The following RSPO2 variants were observed in gnomAD, a reference collection of about 807,000 sequenced individuals.
RSPO2 encodes R-spondin-2.
In RSPO2, 14 loss-of-function variants were observed where a neutral mutation model predicts 30.9. The ratio of observed to expected loss-of-function variants is 0.45; its 90% CI spans 0.30 to 0.71. The LOEUF (loss-of-function observed/expected upper bound fraction) is 0.71. Ranked by LOEUF, RSPO2 falls within the 30% of genes least tolerant of loss-of-function variation. The pLI, the probability that RSPO2 is intolerant of heterozygous loss-of-function variation, is 0.08. For missense variants in RSPO2, 264 were observed against 301.9 expected (o/e 0.87, Z 0.93); for synonymous variants, 107 against 96.4 (o/e 1.11, Z -0.64).
rs5893892 is a variant in RSPO2, at chr8:107,950,492, G to GTT, written c.616+7586_616+7587dup. Among the ~76,000 whole-genome samples, 637 of 147,420 alleles carry GTT rather than the reference G, an allele frequency of 4.3e-3. 2 individuals are homozygous for GTT. Among genetic ancestry groups the GTT allele is most frequent in the South Asian group, 0.019 (88 of 4,734 alleles). ...GTTTTAATAGGTTACATTTTGGGGT[G>GTT]TTTTTTTTTTACCATGTTATCTTAT... On this transcript the variant is annotated intron_variant, in intron 5 of 5. Transcript: ENST00000276659.
intron 2 of RSPO2, among the ~76,000 whole-genome samples, chr8:108,016,345 G>A (rs182567243): frequency 6.6e-6 from 1 of 152,268 alleles, no homozygotes; most frequent in Admixed American, 6.5e-5. Flanking sequence ...CCAAGATTAT[G>A]CTGATGGGAA....
At chr8:108,070,586 A>G (rs1812816144) in intron 2 of RSPO2, among the ~76,000 whole-genome samples, 1 of 152,134 alleles carries the variant, frequency 6.6e-6, no homozygotes, top group Non-Finnish European at 1.5e-5. Flanking sequence ...AGTTTTGTTT[A>G]GTGTCCTCTC....
At chr8:108,030,724 G>A (rs1811393948) in intron 2 of RSPO2, among the ~76,000 whole-genome samples, 1 of 152,156 alleles carries the variant, frequency 6.6e-6, no homozygotes, top group African/African-American at 2.4e-5. Flanking sequence ...GGTGGAGGGA[G>A]GGACTCCTAA....
At position 107,901,141 on chromosome 8, in the gene RSPO2, C is replaced by G; in HGVS notation, c.666G>C (p.Arg222Ser). The G allele has an allele frequency of 1.2e-6, 2 of 1,614,080 alleles. No homozygotes were observed. Among genetic ancestry groups the G allele is most frequent in the Admixed American group, 1.7e-5 (1 of 60,014 alleles). ...AKEKRNKKKK[R>S]KLIERAQEQH... is the part of the protein sequence containing the mutation. Reference sequence around the variant, plus strand: ...GCTCCTGGGCCCTTTCTATCAGCTTCCTTTTCTTTTTCTTGTTCCTCTTCT... The same window carrying G: ...GCTCCTGGGCCCTTTCTATCAGCTTGCTTTTCTTTTTCTTGTTCCTCTTCT... Residue 222 changes from arginine (R) to serine (S), a missense_variant, in exon 6 of 6, where the codon AGG (arginine) becomes AGC (serine). By Grantham distance (110) the Arg-to-Ser change is moderately radical (BLOSUM62 -1). Transcript: ENST00000276659.
At chr8:108,079,010 T>G (rs1813103508) in intron 2 of RSPO2, among the ~76,000 whole-genome samples, 1 of 152,206 alleles carries the variant, frequency 6.6e-6, no homozygotes, top group Non-Finnish European at 1.5e-5. Context: ...TAATCCAGTC[T>G]GAAATGTGGC....
chr8:107,923,961 G>A (rs1286629154), intron 5 of RSPO2, among the ~76,000 whole-genome samples: 2 of 152,016 alleles, frequency 1.3e-5, no homozygotes, highest in African/African-American at 4.8e-5. Flanking sequence ...TAGAAAGAGG[G>A]AGAGAGTCAG....
chr8:108,037,463 T>A (rs1419334707), intron 2 of RSPO2, among the ~76,000 whole-genome samples: 1 of 152,184 alleles, frequency 6.6e-6, no homozygotes, highest in Admixed American at 6.5e-5. Flanking sequence ...AGAAGTCATC[T>A]CCATAACATG....
At chr8:108,077,116 G>A (rs751379731) in intron 2 of RSPO2, among the ~76,000 whole-genome samples, 45 of 152,060 alleles carry the variant, frequency 3.0e-4, no homozygotes, top group Non-Finnish European at 5.1e-4. Flanking sequence ...ACCTAAAAGC[G>A]CTCTAAAAAA....
chr8:108,078,125 A>G (rs1297239508), intron 2 of RSPO2, among the ~76,000 whole-genome samples: 1 of 152,160 alleles, frequency 6.6e-6, no homozygotes, highest in Admixed American at 6.6e-5. Flanking sequence ...TGAATATTGG[A>G]TTCTAGCCAA....
chr8:107,948,964 CTTT>C (rs34697845), intron 5 of RSPO2, among the ~76,000 whole-genome samples: 13 of 139,024 alleles, frequency 9.4e-5, no homozygotes, highest in Non-Finnish European at 1.3e-4. Context: ...AGGTCTGCAC[CTTT>C]TTTTTTTTTT....
chr8:107,965,227 G>A (rs536395010), intron 3 of RSPO2, among the ~76,000 whole-genome samples: 8 of 152,228 alleles, frequency 5.3e-5, no homozygotes, highest in African/African-American at 1.9e-4. Context: ...GTAACCCACC[G>A]AATGAGGACT....
intron 5 of RSPO2, among the ~76,000 whole-genome samples, chr8:107,908,365 G>T (rs2130261751): frequency 6.6e-6 from 1 of 152,178 alleles, no homozygotes; most frequent in East Asian, 1.9e-4. Flanking sequence ...TTTCACATAG[G>T]TAAGCACAAA....
At chr8:107,910,183 G>A (rs1472588443) in intron 5 of RSPO2, among the ~76,000 whole-genome samples, 1 of 152,138 alleles carries the variant, frequency 6.6e-6, no homozygotes, top group Non-Finnish European at 1.5e-5. Context: ...ATTAGAACAA[G>A]AAGATGTAAT....
chr8:107,972,090 A>T (rs528416812), intron 3 of RSPO2, among the ~76,000 whole-genome samples: 1 of 152,102 alleles, frequency 6.6e-6, no homozygotes, highest in Non-Finnish European at 1.5e-5. Flanking sequence ...ATGATGATAG[A>T]TGTATCTGCT....
At chr8:107,987,142 G>T (rs960146549) in intron 3 of RSPO2, among the ~76,000 whole-genome samples, 5 of 152,098 alleles carry the variant, frequency 3.3e-5, no homozygotes, top group African/African-American at 1.2e-4. Context: ...GATCAAGTTT[G>T]ATTCTTTCTC....
At chr8:107,964,298 A>G (rs909975200) in intron 3 of RSPO2, among the ~76,000 whole-genome samples, 3 of 152,240 alleles carry the variant, frequency 2.0e-5, no homozygotes, top group Admixed American at 1.3e-4. Context: ...GCAGGAGTGC[A>G]ATGGCACAAT....
Position 108,059,510 on chromosome 8 carries a change from G to T in RSPO2, c.94+23035C>A, listed in dbSNP as rs375391957. On this transcript the variant is annotated intron_variant, in intron 2 of 5. Coordinates refer to ENST00000276659, the MANE Select transcript of RSPO2 (RefSeq NM_178565.5). ...AGCCATCCCATTACTGGGTATATAC[G>T]CAAAGGACTATAAATCACGCTGCTA... 2.0e-4 allele frequency among the ~76,000 whole-genome samples: 30 copies of T among 151,352 alleles called. 1 individual carries two copies. Among genetic ancestry groups the T allele is most frequent in the Middle Eastern group, 6.8e-3 (2 of 294 alleles).
At chr8:108,080,138 CACAATGCAATCCTT>C (rs1813148518) in intron 2 of RSPO2, among the ~76,000 whole-genome samples, 1 of 152,182 alleles carries the variant, frequency 6.6e-6, no homozygotes, top group East Asian at 1.9e-4. Context: ...TCAATACTCT[CACAATGCAATCCTT>C]AAGCTTCCCT....
chr8:107,927,198 G>C (rs998419517), intron 5 of RSPO2, among the ~76,000 whole-genome samples: 1 of 152,132 alleles, frequency 6.6e-6, no homozygotes, highest in Non-Finnish European at 1.5e-5. Flanking sequence ...CTCTGTGTTT[G>C]TCTGTTATTG....
Sources: gnomAD v4.1 joint callset for allele counts (sites outside exome capture counted in the v4.1 genomes callset) on GRCh38, gnomAD v4.1.1 for gene constraint, MANE v1.5 for transcripts, NCBI Gene and HGNC (gene_info 2026-07-23, HGNC 2026-07-21) for gene names.